The following PCNX2 variants were observed in gnomAD, a reference collection of about 807,000 sequenced individuals.
The protein encoded by PCNX2 is pecanex-like protein 2.
Under a neutral mutation model 223.8 loss-of-function variants are expected in PCNX2, and 168 were observed. The ratio of observed to expected loss-of-function variants is 0.75; its 90% CI spans 0.66 to 0.85. The LOEUF is 0.85. PCNX2 is among the 40% of genes least tolerant of loss of function. PCNX2 has a pLI of 0.00. For missense variants in PCNX2, 2,507 were observed against 2,675.5 expected (o/e 0.94, Z 1.39); for synonymous variants, 1,006 against 1,052.6 (o/e 0.96, Z 0.86).
Position 233,080,291 on chromosome 1 carries a change from G to C in PCNX2, c.4076+9770C>G, listed in dbSNP as rs370198528. ...AGAGTTGGTCCATATTCCTACTTGG[G>C]CCATACCTGTCAATCCCAGTACCTG... On this transcript the variant is annotated intron_variant, in intron 23 of 33. Transcript: ENST00000258229. 3.3e-5 allele frequency among the ~76,000 whole-genome samples: 5 copies of C among 151,868 alleles called. No homozygotes were observed. In the East Asian group the frequency reaches 5.8e-4, roughly 18 times the overall value.
In PCNX2 at chr1:233,258,466, G is replaced by C; in HGVS notation, c.1396C>G (p.Gln466Glu). 1 of 1,613,968 alleles carries C rather than the reference G, an allele frequency of 6.2e-7. No individual in the cohort carries two copies. The highest frequency in any genetic ancestry group is 8.5e-7 in the Non-Finnish European group (1 of 1,179,894). The change falls in exon 5 of 34, where the codon CAG (glutamine) becomes GAG (glutamate). Residue 466 changes from glutamine to glutamate, a missense_variant. Gln to Glu is a conservative substitution (Grantham distance 29, BLOSUM62 2). Coordinates refer to ENST00000258229, the MANE Select transcript of PCNX2 (RefSeq NM_014801.4). ...ERLKTRVSTN[Q>E]CSGYGSGEGG... is the part of the protein sequence containing the mutation. Reference sequence around the variant, plus strand: ...TCCCCAGATCCGTAGCCAGAACACTGATTGGTGGATACCCTCGTCTTCAGT... The same window carrying C: ...TCCCCAGATCCGTAGCCAGAACACTCATTGGTGGATACCCTCGTCTTCAGT...
chr1:233,028,650 A>G (rs891621904), intron 25 of PCNX2, among the ~76,000 whole-genome samples: 1 of 152,200 alleles, frequency 6.6e-6, no homozygotes, highest in African/African-American at 2.4e-5. Context: ...CTTTATAGTT[A>G]AAACATCTCT....
chr1:233,036,620 A>C (rs1197203748), intron 25 of PCNX2, among the ~76,000 whole-genome samples: 2 of 141,908 alleles, frequency 1.4e-5, no homozygotes, highest in Non-Finnish European at 1.5e-5. Context: ...ACAGAGCAAG[A>C]CTCCATCTCA....
intron 17 of PCNX2, among the ~76,000 whole-genome samples, chr1:233,166,775 A>G (rs1457888147): frequency 6.6e-6 from 1 of 152,210 alleles, no homozygotes; most frequent in African/African-American, 2.4e-5. Context: ...ATCCTGGAAA[A>G]TAATATATTT....
chr1:233,089,512 C>A (rs1673764058), intron 23 of PCNX2, among the ~76,000 whole-genome samples: 1 of 152,178 alleles, frequency 6.6e-6, no homozygotes, highest in South Asian at 2.1e-4. Flanking sequence ...TCATCAATCA[C>A]CAATTGCTTA....
chr1:233,112,944 C>T lies in PCNX2; in HGVS notation c.3838-17081G>A, dbSNP rs1332050102. 11 of 1,289,174 alleles carry T rather than the reference C, an allele frequency of 8.5e-6. No individual in the cohort carries two copies. In the Admixed American group the frequency reaches 9.2e-5, roughly 11 times the overall value. The allele number at this position is 1,289,174 out of a possible 1,614,324, so 79.9% of individuals were successfully genotyped here. A position where few individuals can be genotyped will look rare whatever the true frequency, so the allele number is the denominator to read the frequency against. ...CATGGTTTGAGTTAAGGGAAATCAT[C>T]CTCTTTGTGTGTGGGTGCCGTCCTA... is the stretch of plus-strand genomic sequence containing the variant. On this transcript the variant is annotated intron_variant, in intron 21 of 33. Transcript: ENST00000258229.
intron 23 of PCNX2, among the ~76,000 whole-genome samples, chr1:233,064,715 T>C (rs1672528149): frequency 6.6e-6 from 1 of 152,192 alleles, no homozygotes; most frequent in Non-Finnish European, 1.5e-5. Flanking sequence ...TTTATTATTA[T>C]GCTCAAACAT....
chr1:233,096,192 G>A (rs969445843), intron 21 of PCNX2, among the ~76,000 whole-genome samples: 5 of 152,198 alleles, frequency 3.3e-5, no homozygotes, highest in Non-Finnish European at 7.3e-5. Flanking sequence ...TTTGGAGGGA[G>A]TACACACAGA....
At chr1:233,283,049 T>C (rs114779079) in intron 1 of PCNX2, among the ~76,000 whole-genome samples, 1,963 of 152,202 alleles carry the variant, frequency 0.013, 49 homozygotes, top group African/African-American at 0.045. Flanking sequence ...TAATAACTTC[T>C]AAACAGTCTT....
At chr1:233,211,146 T>C (rs1681794387) in intron 12 of PCNX2, among the ~76,000 whole-genome samples, 1 of 151,898 alleles carries the variant, frequency 6.6e-6, no homozygotes, top group Admixed American at 6.6e-5. Context: ...TCTGGGAAAA[T>C]TGTAGAGGCA....
At chr1:233,144,956 T>C (rs868762158) in intron 19 of PCNX2, among the ~76,000 whole-genome samples, 1,613 of 87,694 alleles carry the variant, frequency 0.018, 20 homozygotes, top group Middle Eastern at 0.061. Context: ...TTGTTTTGTT[T>C]TTTTTTTTTG....
rs1558142496 is a variant in PCNX2, at chr1:232,986,292, CG to C, written c.6039del (p.Glu2014ArgfsTer16). 6.4e-7 allele frequency: 1 copy of C among 1,567,442 alleles called. No individual in the cohort carries two copies. The highest frequency in any genetic ancestry group is 1.9e-5 in the Admixed American group (1 of 52,894). On this transcript the variant is annotated frameshift_variant, in exon 33 of 34. Coordinates refer to ENST00000258229, the MANE Select transcript of PCNX2 (RefSeq NM_014801.4). LOFTEE classifies it high-confidence loss of function. ...TTGHLSVRER[A>X]EALIRSSLGS... ...CCCAGGCTGGACCTGATGAGCGCCT[CG>C]GCCCGCTCACGGACACTCAGGTGGC...
In PCNX2 at chr1:233,225,110, TAAAAAAAAAAAA is replaced by T. The variant is rs71173259; in HGVS notation, c.2504+2104_2504+2115del. On this transcript the variant is annotated intron_variant, in intron 10 of 33. Transcript: ENST00000258229. ...CTGCACATGTATCCCAGAACTAAAG[TAAAAAAAAAAAA>T]AAAAAAAAAAAAAAAATGTTATGTT... Among the ~76,000 whole-genome samples, 5 of 42,224 alleles carry T rather than the reference TAAAAAAAAAAAA, an allele frequency of 1.2e-4. 1 individual carries two copies. The highest frequency in any genetic ancestry group is 5.3e-4 in the Admixed American group (2 of 3,776). The allele number at this position is 42,224 out of a possible 152,430, so 27.7% of individuals were successfully genotyped here. A position where few individuals can be genotyped will look rare whatever the true frequency, so the allele number is the denominator to read the frequency against.
chr1:233,175,410 A>T (rs1186629834), intron 17 of PCNX2, among the ~76,000 whole-genome samples: 2 of 152,110 alleles, frequency 1.3e-5, no homozygotes, highest in African/African-American at 2.4e-5. Flanking sequence ...AATACTATCA[A>T]CCTCTGCTGG....
At chr1:233,210,758 C>T (rs1382202130) in intron 12 of PCNX2, among the ~76,000 whole-genome samples, 4 of 152,190 alleles carry the variant, frequency 2.6e-5, no homozygotes, top group African/African-American at 9.7e-5. Context: ...CTCTTAAAAA[C>T]TCATTTGACA....
At chr1:233,212,292 G>T (rs1681865554) in intron 12 of PCNX2, among the ~76,000 whole-genome samples, 1 of 152,120 alleles carries the variant, frequency 6.6e-6, no homozygotes, top group Non-Finnish European at 1.5e-5. Flanking sequence ...ATATTTTAAG[G>T]AATTCTCTTT....
At position 233,218,111 on chromosome 1, in the gene PCNX2, A is replaced by T. The variant is rs749868118; in HGVS notation, c.2578T>A (p.Leu860Met). ...ATATCTTTGCAAAAGCCTTGGCTCA[A>T]GGTCAGAAATCCAAGGAGGGAAACC... ...VLVSLLGFLTLSQGFCKDMWV... is the reference protein window; with the variant it reads ...VLVSLLGFLTMSQGFCKDMWV... The change falls in exon 11 of 34, where the codon TTG (leucine) becomes ATG (methionine). Residue 860 changes from leucine (L) to methionine (M), a missense_variant. By Grantham distance (15) the Leu-to-Met change is conservative (BLOSUM62 2). Transcript: ENST00000258229. 7 of 1,558,380 alleles carry T rather than the reference A, an allele frequency of 4.5e-6. No individual in the cohort carries two copies. The Admixed American group carries it at 7.8e-5, about 17-fold the overall frequency.
At chr1:233,261,392 A>G in intron 3 of PCNX2, 71 bp from the exon 4 acceptor site, 2 of 1,385,240 alleles carry the variant, frequency 1.4e-6, no homozygotes, top group Non-Finnish European at 2.1e-6. Flanking sequence ...AGTCGGCAAT[A>G]ACTGACAGCA....
intron 1 of PCNX2, chr1:233,285,100 C>A (rs1032989854): frequency 1.2e-6 from 1 of 813,176 alleles, no homozygotes; most frequent in Admixed American, 6.2e-5. Context: ...CGCCTGTAAT[C>A]CCAACACTTC....
Sources: allele counts gnomAD v4.1 joint callset (sites outside exome capture counted in the v4.1 genomes callset), GRCh38; gene constraint gnomAD v4.1.1; transcripts MANE v1.5; gene names NCBI Gene and HGNC (gene_info 2026-07-23, HGNC 2026-07-21).